RHBDF1: variants seen among roughly 807,000 people sequenced by gnomAD.
The protein encoded by RHBDF1 is inactive rhomboid protein 1.
RHBDF1 carries 80 observed loss-of-function variants against 98.6 expected under a neutral mutation model. The observed-to-expected ratio is 0.81, with a 90% confidence interval of 0.68 to 0.98. The LOEUF (loss-of-function observed/expected upper bound fraction) is 0.98, where lower values mean the gene tolerates loss of function less well. Ranked by LOEUF, RHBDF1 falls within the 50% of genes least tolerant of loss-of-function variation. The pLI, the probability that RHBDF1 is intolerant of heterozygous loss-of-function variation, is 0.00. For synonymous variants in RHBDF1, 512 were observed against 486.8 expected (o/e 1.05, Z -0.68); for missense variants, 1,116 against 1,198.3 (o/e 0.93, Z 1.01).
rs758518879 is a variant in RHBDF1, at chr16:64,834, G to A, written c.118-5C>T. 2.5e-6 allele frequency: 4 copies of A among 1,613,984 alleles called. No individual in the cohort carries two copies. The highest frequency in any genetic ancestry group is 3.4e-6 in the Non-Finnish European group (4 of 1,180,018). On this transcript the variant is annotated splice_region_variant and splice_polypyrimidine_tract_variant and intron_variant, in intron 2 of 17. Transcript: ENST00000262316. ...GAAAGCCTGTCGCCTCAGGGGCTGG[G>A]CAACAGGGTCATGGTGAGGGTACTG...
intron 1 of RHBDF1, among the ~76,000 whole-genome samples, chr16:67,803 C>T (rs1293572992): frequency 6.6e-6 from 1 of 152,208 alleles, no homozygotes; most frequent in East Asian, 1.9e-4. Context: ...CGCAGGCCAT[C>T]GGGGTCCCTA....
chr16:72,249 G>A lies in RHBDF1; in HGVS notation c.-25+264C>T, dbSNP rs551479669. Among the ~76,000 whole-genome samples the A allele has an allele frequency of 4.2e-3, 643 of 152,292 alleles. 4 individuals are homozygous for A. Among genetic ancestry groups the A allele is most frequent in the African/African-American group, 0.015 (606 of 41,576 alleles). On this transcript the variant is annotated intron_variant, in intron 1 of 17. Transcript: ENST00000262316. The stretch of plus-strand genomic sequence containing the variant: ...CCGCTGGGGCTGCTAATCCGGCCAC[G>A]GGCTATTTTTGCGGCGCGCCGGGCT...
chr16:72,464 GGA>G, intron 1 of RHBDF1, 47 bp downstream of exon 1: 1 of 927,974 alleles, frequency 1.1e-6, no homozygotes, highest in Non-Finnish European at 1.3e-6. Flanking sequence ...ACGCAGCCCC[GGA>G]ACCCGCCCGC....
intron 3 of RHBDF1, chr16:64,433 G>C (rs1321508035): frequency 2.7e-5 from 40 of 1,455,388 alleles, no homozygotes; most frequent in South Asian, 3.6e-5. Flanking sequence ...AAGCGTACTT[G>C]TCGGCTGCTA....
At chr16:65,599 T>C (rs971442593) in intron 1 of RHBDF1, among the ~76,000 whole-genome samples, 4 of 152,098 alleles carry the variant, frequency 2.6e-5, no homozygotes, top group African/African-American at 9.7e-5. Context: ...AGGCTCACCC[T>C]AGTCTGTGCC....
Position 64,723 on chromosome 16 carries a change from G to A in RHBDF1, c.224C>T (p.Thr75Met), listed in dbSNP as rs922472517. 11 of 1,613,342 alleles carry A rather than the reference G, an allele frequency of 6.8e-6. No individual in the cohort carries two copies. The highest frequency in any genetic ancestry group is 5.5e-5 in the South Asian group (5 of 91,036). ...ELRRPVLQRQ[T>M]SITQTIRRGT... ...CCTGCGGATGGTCTGTGTGATGGAC[G>A]TCTGGCGTTGCAGCACCGGCCGCCG... is the stretch of plus-strand genomic sequence containing the variant. The change falls in exon 3 of 18, where the codon ACG (threonine) becomes ATG (methionine). Residue 75 changes from threonine to methionine, a missense_variant. Transcript: ENST00000262316.
In RHBDF1 at chr16:61,684, G is replaced by C; in HGVS notation, c.1221C>G (p.Thr407=). ...EDMDDHRPFF[T]YWLTFVHSLV... is the part of the protein sequence containing the mutation. ...GCGAGTGCACGAAGGTAAGCCAGTAGGTGAAGAAGGGCCTGCGGGGTGGAG... is the reference window on the plus strand; with the variant it reads ...GCGAGTGCACGAAGGTAAGCCAGTACGTGAAGAAGGGCCTGCGGGGTGGAG... Residue 407 remains threonine (T), a synonymous_variant, in exon 9 of 18, where the codon ACC becomes ACG. Coordinates refer to ENST00000262316, the MANE Select transcript of RHBDF1 (RefSeq NM_022450.5). The C allele has an allele frequency of 1.9e-6, 3 of 1,613,490 alleles. No homozygotes were observed. Among genetic ancestry groups the C allele is most frequent in the Non-Finnish European group, 2.5e-6 (3 of 1,179,910 alleles).
rs747533043 is a variant in RHBDF1 at position 63,084 on chromosome 16, G to A, written c.561C>T (p.Ala187=). 1.9e-6 allele frequency: 3 copies of A among 1,611,554 alleles called. No individual in the cohort carries two copies. Among genetic ancestry groups the A allele is most frequent in the African/African-American group, 2.7e-5 (2 of 74,946 alleles). The change falls in exon 5 of 18, where the codon GCC becomes GCT. Residue 187 remains alanine (A), a synonymous_variant. Transcript: ENST00000262316. ...APHTPVTPGA[A]SLCSFSSSRS... ...GGGAGCTGGAGAAGGAGCAGAGGGA[G>A]GCAGCACCCGGCGTGACGGGAGTGT... is the stretch of plus-strand genomic sequence containing the variant.
upstream of RHBDF1, among the ~76,000 whole-genome samples, chr16:75,948 T>C (rs1381063384): frequency 2.6e-5 from 4 of 152,144 alleles, no homozygotes; most frequent in Non-Finnish European, 5.9e-5. Context: ...ACTAGAACCC[T>C]GGCCCCTGTA....
chr16:60,153 G>A (rs950166072), intron 13 of RHBDF1, 63 bp downstream of exon 13: 86 of 1,611,400 alleles, frequency 5.3e-5, no homozygotes, highest in Middle Eastern at 3.3e-4. Flanking sequence ...CAGTGGGTGG[G>A]GTGTGGCATT....
chr16:58,932 A>G (rs769629797), intron 17 of RHBDF1, 42 bp downstream of exon 17: 1 of 1,606,444 alleles, frequency 6.2e-7, no homozygotes, highest in South Asian at 1.1e-5. Context: ...AGCAGGCTGC[A>G]GGTGCACACG....
chr16:59,404 ACT>A lies in RHBDF1; in HGVS notation c.1893+13_1893+14del, dbSNP rs1195599609. 13 of 1,613,156 alleles carry A rather than the reference ACT, an allele frequency of 8.1e-6. No individual in the cohort carries two copies. The highest frequency in any genetic ancestry group is 1.6e-4 in the Middle Eastern group (1 of 6,082). Reference sequence around the variant, plus strand: ...TAGCTGGGGGAGGGGAACGACGGACACTCTGCAGACCTACCTGAGAGCAGAGC... The same window carrying A: ...TAGCTGGGGGAGGGGAACGACGGACACTGCAGACCTACCTGAGAGCAGAGC... On this transcript the variant is annotated intron_variant, in intron 15 of 17. Transcript: ENST00000262316.
At chr16:72,074 G>A (rs1269343950) in intron 1 of RHBDF1, among the ~76,000 whole-genome samples, 2 of 152,202 alleles carry the variant, frequency 1.3e-5, no homozygotes, top group Non-Finnish European at 2.9e-5. Flanking sequence ...GTTTCAGCTC[G>A]GAGACACCAC....
upstream of RHBDF1, chr16:74,050 G>A (rs1183313990): frequency 3.4e-6 from 2 of 592,210 alleles, no homozygotes; most frequent in East Asian, 2.8e-4. Context: ...TGTAGAAGGA[G>A]ACAATGGAAG....
At chr16:64,287 G>A in intron 3 of RHBDF1, 3 of 1,334,922 alleles carry the variant, frequency 2.2e-6, no homozygotes, top group Non-Finnish European at 2.0e-6. Context: ...CACATGCCAA[G>A]CACATGCCAG....
Position 60,552 on chromosome 16 carries a change from G to T in RHBDF1, c.1558-13C>A, listed in dbSNP as rs373463747. On this transcript the variant is annotated splice_polypyrimidine_tract_variant and intron_variant, in intron 11 of 17. Coordinates refer to ENST00000262316, the MANE Select transcript of RHBDF1 (RefSeq NM_022450.5). ...CTGCCAGCGTGGACTGTGGGAGGGG[G>T]ACACAGGGTCAGGTCCAGTTGGGTC... 11 of 1,600,560 alleles carry T rather than the reference G, an allele frequency of 6.9e-6. No homozygotes were observed. The African/African-American group carries it at 1.3e-4, about 19-fold the overall frequency.
rs1351538443 is a variant in RHBDF1, at chr16:61,968, G to A, written c.1038C>T (p.Ser346=). 6.3e-7 allele frequency: 1 copy of A among 1,591,396 alleles called. No homozygotes were observed. Among genetic ancestry groups the A allele is most frequent in the Non-Finnish European group, 8.5e-7 (1 of 1,176,596 alleles). Residue 346 remains serine, a synonymous_variant, in exon 8 of 18, where the codon AGC becomes AGT. Transcript: ENST00000262316. ...GCTGGCCCCGTCGCGGCCCCGCGGTGCTCACCACCTCCTGTCGGAGCCGCA... is the reference window on the plus strand; with the variant it reads ...GCTGGCCCCGTCGCGGCCCCGCGGTACTCACCACCTCCTGTCGGAGCCGCA... The part of the protein sequence containing the change: ...PKVRLRQEVV[S]TAGPRRGQRI...
rs757984542 is a variant in RHBDF1, at chr16:63,022, C to A, written c.623G>T (p.Arg208Leu). 3.2e-5 allele frequency: 51 copies of A among 1,612,032 alleles called. 2 individuals carry two copies. In the South Asian group the frequency reaches 5.5e-4, roughly 17 times the overall value. ...GAAGCTCATCTTGGCCACCGACTCT[C>A]GCTTGCGCCGCCGCGGGAGCCGGTG... Reference protein sequence around the residue: ...GFHRLPRRRKRESVAKMSFRA... With the variant: ...GFHRLPRRRKLESVAKMSFRA... The change falls in exon 5 of 18, where the codon CGA (arginine) becomes CTA (leucine). Residue 208 changes from arginine to leucine, a missense_variant. By Grantham distance (102) the Arg-to-Leu change is moderately radical. Coordinates refer to ENST00000262316, the MANE Select transcript of RHBDF1 (RefSeq NM_022450.5).
In RHBDF1 at chr16:63,741, C is replaced by G; in HGVS notation, c.308G>C (p.Arg103Pro). 6.2e-7 allele frequency: 1 copy of G among 1,613,836 alleles called. No individual in the cohort carries two copies. The highest frequency in any genetic ancestry group is 8.5e-7 in the Non-Finnish European group (1 of 1,179,978). The change falls in exon 4 of 18, where the codon CGC becomes CCC. Residue 103 changes from arginine (R) to proline (P), a missense_variant. By Grantham distance (103) the Arg-to-Pro change is moderately radical. Transcript: ENST00000262316. ...CTGGCTGCAGTGACGGATGCTCTTGCGCTGCCATTTCTGGGTGCTGTCACT... is the reference window on the plus strand; with the variant it reads ...CTGGCTGCAGTGACGGATGCTCTTGGGCTGCCATTTCTGGGTGCTGTCACT... ...KDSDSTQKWQ[R>P]KSIRHCSQRY...
Sources: allele counts gnomAD v4.1 joint callset (sites outside exome capture counted in the v4.1 genomes callset), GRCh38; gene constraint gnomAD v4.1.1; transcripts MANE v1.5; gene names NCBI Gene and HGNC (gene_info 2026-07-23, HGNC 2026-07-21).